Variants in TDRD12 observed in about 807,000 individuals in gnomAD.
TDRD12 encodes the protein tudor domain containing 12.
Under a neutral mutation model 133.5 loss-of-function variants are expected in TDRD12, and 158 were observed. The ratio of observed to expected loss-of-function variants is 1.18; its 90% CI spans 1.04 to 1.35. TDRD12 has a LOEUF of 1.35. Ranked by LOEUF, TDRD12 falls within the 40% of genes most tolerant of loss-of-function variation. The probability of loss-of-function intolerance (pLI) is 0.00; values close to 1 mark genes in which losing one functional copy is unlikely to be tolerated. For synonymous variants in TDRD12, 460 were observed against 477.9 expected (o/e 0.96, Z 0.49); for missense variants, 1,443 against 1,321.3 (o/e 1.09, Z -1.43).
chr19:32,810,489 A>G (rs1345687529), intron 23 of TDRD12, among the ~76,000 whole-genome samples: 2 of 152,220 alleles, frequency 1.3e-5, no homozygotes, highest in African/African-American at 4.8e-5. Context: ...TTGAGCCATC[A>G]CTGCGTGCGA....
intron 8 of TDRD12, among the ~76,000 whole-genome samples, chr19:32,772,431 A>C (rs1970467327): frequency 6.6e-6 from 1 of 152,238 alleles, no homozygotes; most frequent in African/African-American, 2.4e-5. Context: ...TCGCATTGTA[A>C]GAAGAGCCTG....
At chr19:32,799,732 T>TA (rs1298954699) in intron 16 of TDRD12, among the ~76,000 whole-genome samples, 2 of 140,136 alleles carry the variant, frequency 1.4e-5, no homozygotes, top group African/African-American at 5.4e-5. Flanking sequence ...TTTTGCCTTT[T>TA]TTTTTTTTTT....
chr19:32,773,545 A>C lies in TDRD12; in HGVS notation c.1040+13A>C, dbSNP rs1275353321. On this transcript the variant is annotated intron_variant, in intron 10 of 27. Coordinates refer to ENST00000444215, the Ensembl canonical transcript of TDRD12. ...TACCAGAAGCAAGGTATGATTTGAAAATTCAAACTGGGTGTGGTGGCGCCT... is the reference window on the plus strand; with the variant it reads ...TACCAGAAGCAAGGTATGATTTGAACATTCAAACTGGGTGTGGTGGCGCCT... 6.4e-7 allele frequency: 1 copy of C among 1,551,116 alleles called. No homozygotes were observed. The highest frequency in any genetic ancestry group is 1.2e-5 in the South Asian group (1 of 84,046).
At chr19:32,724,408 G>A (rs1404711685) in intron 1 of TDRD12, among the ~76,000 whole-genome samples, 1 of 151,922 alleles carries the variant, frequency 6.6e-6, no homozygotes, top group African/African-American at 2.4e-5. Flanking sequence ...CCCAGTGTGT[G>A]GTTCCCCTCC....
At chr19:32,755,797 T>C (rs912382589) in intron 6 of TDRD12, among the ~76,000 whole-genome samples, 195 bp from the exon 7 acceptor site, 1 of 152,252 alleles carries the variant, frequency 6.6e-6, no homozygotes, top group African/African-American at 2.4e-5. Context: ...CACAGATGCT[T>C]GCTGTTTTTC....
exon 12 of TDRD12, chr19:32,790,577 T>C (rs1351202131): frequency 1.9e-6 from 3 of 1,551,980 alleles, no homozygotes; most frequent in Admixed American, 3.9e-5. Flanking sequence ...TGACGGAATC[T>C]CTGATCTCCA....
intron 8 of TDRD12, among the ~76,000 whole-genome samples, chr19:32,767,739 A>G (rs1970339146): frequency 6.6e-6 from 1 of 152,088 alleles, no homozygotes; most frequent in African/African-American, 2.4e-5. Flanking sequence ...TTTCTCTCTC[A>G]TTTCTTTGGC....
intron 1 of TDRD12, among the ~76,000 whole-genome samples, chr19:32,724,012 C>G (rs1424466835): frequency 6.6e-6 from 1 of 152,030 alleles, no homozygotes; most frequent in African/African-American, 2.4e-5. Context: ...CATTTGCCCC[C>G]ACTCCTGGTT....
intron 4 of TDRD12, among the ~76,000 whole-genome samples, chr19:32,743,567 G>A (rs1969500783): frequency 1.3e-5 from 2 of 152,028 alleles, no homozygotes; most frequent in Non-Finnish European, 1.5e-5. Context: ...TTATAAAAGA[G>A]TCCATTGCAA....
chr19:32,801,835 G>A lies in TDRD12; in HGVS notation c.2159G>A (p.Trp720Ter). The A allele has an allele frequency of 6.9e-7, 1 of 1,454,342 alleles. No individual in the cohort carries two copies. The highest frequency in any genetic ancestry group is 9.2e-7 in the Non-Finnish European group (1 of 1,084,664). The allele number at this position is 1,454,342 out of a possible 1,614,324, so 90.1% of individuals were successfully genotyped here. The change falls in exon 19 of 28, where the codon TGG becomes TAG. Residue 720 changes from tryptophan (W) to a stop codon, truncating the protein, a stop_gained. Coordinates refer to ENST00000444215, the Ensembl canonical transcript of TDRD12. LOFTEE classifies it high-confidence loss of function. ...AACTTACAAAATGTTTTAGAACAGTGGAAGAAGAAGTTAAGTTCTGGCTCT... is the reference window on the plus strand; with the variant it reads ...AACTTACAAAATGTTTTAGAACAGTAGAAGAAGAAGTTAAGTTCTGGCTCT...
exon 1 of TDRD12, chr19:32,719,997 G>T: frequency 6.6e-7 from 1 of 1,522,086 alleles, no homozygotes; most frequent in Non-Finnish European, 8.8e-7. Flanking sequence ...GGCCGGGGCG[G>T]ACGCAGCCAG....
intron 11 of TDRD12, 23 bp downstream of exon 11, chr19:32,777,252 G>T: frequency 1.5e-6 from 2 of 1,330,496 alleles, no homozygotes; most frequent in South Asian, 2.8e-5. Flanking sequence ...TCCTTGGCCT[G>T]AATTGTGTAT....
At chr19:32,729,812 A>T (rs2145428597) in intron 1 of TDRD12, among the ~76,000 whole-genome samples, 6 of 81,064 alleles carry the variant, frequency 7.4e-5, no homozygotes, top group East Asian at 4.5e-4. Context: ...TTTTTGTGAG[A>T]TGGAGTCTTG....
rs1204907355 is a variant in TDRD12, at chr19:32,773,609, G to C, written c.1040+77G>C. ...GCTACTGGGGAGGCTGAGCTGGGGGGATCGCTTAAGCCCAGGAGGTCGAGG... is the reference window on the plus strand; with the variant it reads ...GCTACTGGGGAGGCTGAGCTGGGGGCATCGCTTAAGCCCAGGAGGTCGAGG... On this transcript the variant is annotated intron_variant, in intron 10 of 27. Coordinates refer to ENST00000444215, the Ensembl canonical transcript of TDRD12. The C allele has an allele frequency of 9.8e-6, 13 of 1,322,354 alleles. No individual in the cohort carries two copies. The Admixed American group carries it at 2.4e-4, about 24-fold the overall frequency. The allele number at this position is 1,322,354 out of a possible 1,614,324, so 81.9% of individuals were successfully genotyped here. A position where few individuals can be genotyped will look rare whatever the true frequency, so the allele number is the denominator to read the frequency against.
rs746923044 is a variant in TDRD12 at position 32,757,131 on chromosome 19, G to C, written c.865+1G>C. 1.3e-6 allele frequency: 2 copies of C among 1,550,382 alleles called. No individual in the cohort carries two copies. Among genetic ancestry groups the C allele is most frequent in the Admixed American group, 2.0e-5 (1 of 50,998 alleles). On this transcript the variant is annotated splice_donor_variant, in intron 8 of 27. Transcript: ENST00000444215. LOFTEE classifies it high-confidence loss of function. ...CTCAGGCCAACAGCCACAGCACAGGGTGAGTTCTGCTAATGTGGTTTATTT... is the reference window on the plus strand; with the variant it reads ...CTCAGGCCAACAGCCACAGCACAGGCTGAGTTCTGCTAATGTGGTTTATTT...
At chr19:32,797,353 A>G (rs1426213541) in intron 14 of TDRD12, among the ~76,000 whole-genome samples, 1 of 151,980 alleles carries the variant, frequency 6.6e-6, no homozygotes, top group Non-Finnish European at 1.5e-5. Flanking sequence ...TGTGCAGGGG[A>G]TGTGGAGCCA....
chr19:32,731,968 C>T, intron 2 of TDRD12, 85 bp downstream of exon 2: 1 of 1,346,394 alleles, frequency 7.4e-7, no homozygotes, highest in Non-Finnish European at 9.9e-7. Flanking sequence ...ATGATTCAAG[C>T]TTTTAGAGTA....
At chr19:32,816,492 A>G (rs1341738029) in intron 26 of TDRD12, among the ~76,000 whole-genome samples, 1 of 152,190 alleles carries the variant, frequency 6.6e-6, no homozygotes, top group Non-Finnish European at 1.5e-5. Context: ...CAGCTACATA[A>G]TGTTCCTTTG....
chr19:32,815,388 A>G (rs774666704), intron 25 of TDRD12, 60 bp from the exon 26 acceptor site: 192 of 1,395,752 alleles, frequency 1.4e-4, no homozygotes, highest in Middle Eastern at 9.6e-4. Context: ...GGGAATGTCT[A>G]TGCTTCAGTT....
Sources: gnomAD v4.1 joint callset for allele counts (sites outside exome capture counted in the v4.1 genomes callset) on GRCh38, gnomAD v4.1.1 for gene constraint, MANE v1.5 for transcripts, NCBI Gene and HGNC (gene_info 2026-07-23, HGNC 2026-07-21) for gene names.